TLK1: variants seen among roughly 807,000 people sequenced by gnomAD.
The protein encoded by TLK1 is serine/threonine-protein kinase tousled-like 1.
TLK1 carries 24 observed loss-of-function variants against 105.3 expected under a neutral mutation model. The ratio of observed to expected loss-of-function variants is 0.23; its 90% CI spans 0.17 to 0.32. The LOEUF (loss-of-function observed/expected upper bound fraction) is 0.32, where lower values mean the gene tolerates loss of function less well. Among genes scored for constraint, TLK1 ranks in the 10% least tolerant of loss-of-function variants. The pLI is 1.00. For missense variants in TLK1, 558 were observed against 910.5 expected (o/e 0.61, Z 4.98); for synonymous variants, 321 against 310.4 (o/e 1.03, Z -0.36).
At chr2:171,047,117 C>T (rs113449723) in intron 10 of TLK1, among the ~76,000 whole-genome samples, 2 of 152,062 alleles carry the variant, frequency 1.3e-5, no homozygotes, top group African/African-American at 4.8e-5. Context: ...AAAATCAATG[C>T]TTCCCATTCA....
chr2:171,022,096 C>CACACAGACACACAT (rs895476914), intron 12 of TLK1, among the ~76,000 whole-genome samples: 1 of 150,368 alleles, frequency 6.7e-6, no homozygotes, highest in Non-Finnish European at 1.5e-5. Context: ...AACACACACA[C>CACACAGACACACAT]ACACACACAC....
At chr2:171,087,661 G>C (rs1039564684) in intron 2 of TLK1, among the ~76,000 whole-genome samples, 1 of 152,114 alleles carries the variant, frequency 6.6e-6, no homozygotes, top group African/African-American at 2.4e-5. Flanking sequence ...CCACACCTAC[G>C]CACATCATAG....
intron 1 of TLK1, among the ~76,000 whole-genome samples, chr2:171,178,266 C>T (rs1387629898): frequency 6.6e-6 from 1 of 152,082 alleles, no homozygotes; most frequent in Admixed American, 6.5e-5. Context: ...TCCAAGGTCA[C>T]GCAGATATCA....
At chr2:171,031,911 T>C (rs540166283) in intron 11 of TLK1, among the ~76,000 whole-genome samples, 20 of 151,998 alleles carry the variant, frequency 1.3e-4, no homozygotes, top group Admixed American at 1.2e-3. Flanking sequence ...CTATGGTAAA[T>C]AGACTGTTAG....
chr2:171,047,460 C>T (rs781335176), intron 10 of TLK1, among the ~76,000 whole-genome samples: 1 of 152,126 alleles, frequency 6.6e-6, no homozygotes, highest in South Asian at 2.1e-4. Context: ...CAGAATTGAC[C>T]TTACACACAT....
intron 11 of TLK1, among the ~76,000 whole-genome samples, chr2:171,039,503 C>T (rs1025433977): frequency 6.6e-6 from 1 of 152,178 alleles, no homozygotes; most frequent in African/African-American, 2.4e-5. Context: ...AGCGATCCAC[C>T]CACCTCGGCC....
At chr2:171,104,662 A>G (rs1278783152) in intron 2 of TLK1, among the ~76,000 whole-genome samples, 2 of 151,962 alleles carry the variant, frequency 1.3e-5, no homozygotes, top group Non-Finnish European at 2.9e-5. Context: ...ATACACTACA[A>G]TGTTCACCAT....
At chr2:171,195,344 C>A (rs950796850) in intron 1 of TLK1, among the ~76,000 whole-genome samples, 7 of 151,466 alleles carry the variant, frequency 4.6e-5, no homozygotes, top group South Asian at 2.1e-4. Context: ...TCTACTAAAA[C>A]TACAAAAAAT....
intron 3 of TLK1, among the ~76,000 whole-genome samples, chr2:171,082,341 C>G (rs1278641624): frequency 1.3e-5 from 2 of 151,700 alleles, no homozygotes; most frequent in African/African-American, 4.8e-5. Flanking sequence ...AAATGAAAAC[C>G]AGCAGCATGA....
intron 14 of TLK1, among the ~76,000 whole-genome samples, chr2:171,010,643 A>AGC (rs1398696682): frequency 6.7e-6 from 1 of 148,422 alleles, no homozygotes; most frequent in African/African-American, 2.5e-5. Context: ...AAAAAAAAGA[A>AGC]AGGCATAAAA....
chr2:171,195,803 C>G (rs1346294926), intron 1 of TLK1, among the ~76,000 whole-genome samples: 1 of 151,978 alleles, frequency 6.6e-6, no homozygotes, highest in African/African-American at 2.4e-5. Flanking sequence ...AATCCCAACA[C>G]TTTGGGAGGT....
chr2:171,194,074 T>A (rs926949798), intron 1 of TLK1, among the ~76,000 whole-genome samples: 1 of 152,058 alleles, frequency 6.6e-6, no homozygotes, highest in Non-Finnish European at 1.5e-5. Flanking sequence ...TTCAAAAAAA[T>A]TTTCCCTTTT....
chr2:171,048,923 T>C (rs1687091269), intron 10 of TLK1, among the ~76,000 whole-genome samples: 1 of 152,240 alleles, frequency 6.6e-6, no homozygotes, highest in Non-Finnish European at 1.5e-5. Flanking sequence ...TATTTAGCAC[T>C]CCTTAACACA....
chr2:171,128,897 C>T (rs1690980068), intron 1 of TLK1, among the ~76,000 whole-genome samples: 1 of 152,016 alleles, frequency 6.6e-6, no homozygotes, highest in Non-Finnish European at 1.5e-5. Flanking sequence ...AGTTATACTG[C>T]CTTTTGTTAT....
intron 7 of TLK1, 108 bp from the exon 8 acceptor site, chr2:171,053,961 G>T: frequency 3.7e-6 from 3 of 804,502 alleles, no homozygotes; most frequent in South Asian, 2.1e-5. Context: ...ATATATTTGT[G>T]TGTATATGTA....
chr2:171,083,788 A>G (rs1360603694), intron 2 of TLK1, among the ~76,000 whole-genome samples: 4 of 152,166 alleles, frequency 2.6e-5, no homozygotes, highest in Non-Finnish European at 4.4e-5. Context: ...GCCCAGTACT[A>G]TGCTGGATAC....
chr2:171,173,629 G>A (rs947065928), intron 1 of TLK1, among the ~76,000 whole-genome samples: 6 of 151,976 alleles, frequency 3.9e-5, no homozygotes, highest in African/African-American at 1.5e-4. Flanking sequence ...TGGGCTCAAG[G>A]CATCCTCCCC....
rs1445542088 is a variant in TLK1, at chr2:171,196,172, A to G, written c.-6+34973T>C. Among the ~76,000 whole-genome samples the G allele has an allele frequency of 2.7e-5, 4 of 149,698 alleles. No homozygotes were observed. In the South Asian group the frequency reaches 8.5e-4, roughly 32 times the overall value. ...CACTCTGCCTACCAGGCTGGAGTGC[A>G]GTGGTATGATCTTGGCTCACTGCAA... On this transcript the variant is annotated intron_variant, in intron 1 of 20. Coordinates refer to the TLK1 transcript ENST00000521943.
chr2:171,218,436 A>T (rs547242866), intron 1 of TLK1, among the ~76,000 whole-genome samples: 412 of 152,356 alleles, frequency 2.7e-3, no homozygotes, highest in South Asian at 5.0e-3. Flanking sequence ...GTTCTGGAAG[A>T]GACTGGTTGT....
Sources: gnomAD v4.1 joint callset for allele counts (sites outside exome capture counted in the v4.1 genomes callset) on GRCh38, gnomAD v4.1.1 for gene constraint, MANE v1.5 for transcripts, NCBI Gene and HGNC (gene_info 2026-07-23, HGNC 2026-07-21) for gene names.